The following ATP7B variants were observed in gnomAD, a reference collection of about 807,000 sequenced individuals.
The protein encoded by ATP7B is ATPase copper transporting beta.
In ATP7B, 113 loss-of-function variants were observed where a neutral mutation model predicts 118.9. The observed-to-expected ratio is 0.95, with a 90% CI of 0.82 to 1.11. The LOEUF is 1.11. ATP7B is among the 50% of genes most tolerant of loss of function. The pLI is 0.00. For synonymous variants in ATP7B, 777 were observed against 727.4 expected (o/e 1.07, Z -1.10); for missense variants, 1,867 against 1,871.4 (o/e 1.00, Z 0.04).
intron 12 of ATP7B, among the ~76,000 whole-genome samples, chr13:51,948,619 G>A (rs1401184136): frequency 6.6e-6 from 1 of 152,164 alleles, no homozygotes; most frequent in Non-Finnish European, 1.5e-5. Flanking sequence ...GGCCTGTGAT[G>A]TGCCTTGCAG....
rs964762858 is a variant in ATP7B at position 51,986,951 on chromosome 13, G to A, written c.52-11783C>T. On this transcript the variant is annotated intron_variant, in intron 1 of 20. Coordinates refer to ENST00000242839, the MANE Select transcript of ATP7B (RefSeq NM_000053.4). ...ATAACAGCTATTTATGACAAACCCA[G>A]AGCCAATATCACAGTGAATGGGCAA... 3.9e-5 allele frequency among the ~76,000 whole-genome samples: 6 copies of A among 152,174 alleles called. No homozygotes were observed. In the East Asian group the frequency reaches 9.7e-4, roughly 24 times the overall value.
chr13:51,949,573 C>T (rs1408550397), intron 12 of ATP7B, 89 bp downstream of exon 12: 1 of 1,547,572 alleles, frequency 6.5e-7, no homozygotes, highest in African/African-American at 1.4e-5. Flanking sequence ...TAATTAAAGC[C>T]CAGTGAATCT....
intron 1 of ATP7B, among the ~76,000 whole-genome samples, chr13:51,981,878 G>A (rs79675129): frequency 0.069 from 10,533 of 152,034 alleles, 386 homozygotes; most frequent in Admixed American, 0.095. Context: ...TGATTTTCCC[G>A]TTTGTCTAAG....
At chr13:51,999,996 C>G (rs1953412909) in intron 1 of ATP7B, among the ~76,000 whole-genome samples, 1 of 152,134 alleles carries the variant, frequency 6.6e-6, no homozygotes, top group South Asian at 2.1e-4. Context: ...TCCTCCTATC[C>G]TTCCCACCAA....
chr13:51,954,549 A>G (rs1484164420), intron 9 of ATP7B, among the ~76,000 whole-genome samples: 2 of 152,236 alleles, frequency 1.3e-5, no homozygotes, highest in East Asian at 3.9e-4. Flanking sequence ...GGCCTGGACC[A>G]GCATGGTGCC....
intron 4 of ATP7B, chr13:51,966,624 T>TGA: frequency 3.8e-6 from 3 of 781,598 alleles, no homozygotes; most frequent in Non-Finnish European, 6.2e-6. Context: ...TCTGAATATG[T>TGA]GATGACAATG....
chr13:51,940,433 C>T (rs1271874846), intron 16 of ATP7B, among the ~76,000 whole-genome samples: 1 of 151,366 alleles, frequency 6.6e-6, no homozygotes, highest in Non-Finnish European at 1.5e-5. Context: ...GCAAGCAGAT[C>T]ACCTGAGGTC....
At chr13:51,999,415 C>A (rs1390205734) in intron 1 of ATP7B, among the ~76,000 whole-genome samples, 1 of 152,140 alleles carries the variant, frequency 6.6e-6, no homozygotes, top group African/African-American at 2.4e-5. Flanking sequence ...GAGACAGGCA[C>A]AAACACACAC....
intron 1 of ATP7B, among the ~76,000 whole-genome samples, chr13:51,982,051 G>A (rs1034865121): frequency 4.7e-5 from 7 of 147,858 alleles, no homozygotes; most frequent in Non-Finnish European, 1.0e-4. Flanking sequence ...TAGTGTTAGC[G>A]TATTTTATGT....
intron 1 of ATP7B, among the ~76,000 whole-genome samples, chr13:52,000,277 G>A (rs1045037585): frequency 4.6e-5 from 7 of 152,190 alleles, no homozygotes; most frequent in African/African-American, 7.2e-5. Context: ...TTCAGTATCC[G>A]GTGAAGGCTG....
chr13:51,985,668 T>G (rs1416770253), intron 1 of ATP7B, among the ~76,000 whole-genome samples: 4 of 152,164 alleles, frequency 2.6e-5, no homozygotes, highest in African/African-American at 9.7e-5. Flanking sequence ...TAATTGGAAG[T>G]GAAACACTCC....
At chr13:51,993,856 C>T (rs1291790799) in intron 1 of ATP7B, among the ~76,000 whole-genome samples, 7 of 152,210 alleles carry the variant, frequency 4.6e-5, no homozygotes, top group Non-Finnish European at 8.8e-5. Flanking sequence ...GGTCCCACAA[C>T]TTGTGTTGGG....
Position 51,968,560 on chromosome 13 carries a change from T to C in ATP7B, c.1591A>G (p.Lys531Glu), listed in dbSNP as rs1278495935. 6.2e-7 allele frequency: 1 copy of C among 1,614,206 alleles called. No individual in the cohort carries two copies. Among genetic ancestry groups the C allele is most frequent in the Non-Finnish European group, 8.5e-7 (1 of 1,180,030 alleles). Reference protein sequence around the residue: ...VALMAGKAEIKYDPEVIQPLE... With the variant: ...VALMAGKAEIEYDPEVIQPLE... ...GGCTGGATGACCTCTGGGTCATACT[T>C]GATCTCTGCCTTTCCTGCCATCAAG... The change falls in exon 4 of 21, where the codon AAG becomes GAG. Residue 531 changes from lysine to glutamate, a missense_variant. By Grantham distance (56) the Lys-to-Glu change is moderately conservative. Coordinates refer to ENST00000242839, the MANE Select transcript of ATP7B (RefSeq NM_000053.4).
At chr13:51,999,165 C>T (rs1171883611) in intron 1 of ATP7B, among the ~76,000 whole-genome samples, 1 of 152,152 alleles carries the variant, frequency 6.6e-6, no homozygotes, top group Non-Finnish European at 1.5e-5. Flanking sequence ...CAACAGAAGA[C>T]CAGGAGAGGA....
intron 1 of ATP7B, among the ~76,000 whole-genome samples, chr13:51,989,557 A>G (rs1434831637): frequency 1.3e-5 from 2 of 152,240 alleles, no homozygotes; most frequent in South Asian, 2.1e-4. Context: ...AGTAAAATTA[A>G]AAACAAAATT....
chr13:51,973,945 T>C lies in ATP7B; in HGVS notation c.1275A>G (p.Ser425=), dbSNP rs377399832. ...AAACACACTACGTACCAGAAACGAC[T>C]GAAGCCTCAAATCCCATGTCTTCTA... ...AAIEDMGFEA[S]VVSESCSTNP... is the part of the protein sequence containing the mutation. The change falls in exon 2 of 21, where the codon TCA becomes TCG. Residue 425 remains serine, a synonymous_variant. Coordinates refer to ENST00000242839, the MANE Select transcript of ATP7B (RefSeq NM_000053.4). The C allele has an allele frequency of 1.2e-6, 2 of 1,614,118 alleles. No individual in the cohort carries two copies. The highest frequency in any genetic ancestry group is 2.7e-5 in the African/African-American group (2 of 74,940).
chr13:51,953,273 C>G (rs1462606616), intron 9 of ATP7B, among the ~76,000 whole-genome samples: 1 of 152,222 alleles, frequency 6.6e-6, no homozygotes, highest in Non-Finnish European at 1.5e-5. Flanking sequence ...GAGGTCTCCA[C>G]ATGGCCTGAG....
At chr13:51,969,052 G>A (rs1239877094) in intron 3 of ATP7B, among the ~76,000 whole-genome samples, 1 of 150,880 alleles carries the variant, frequency 6.6e-6, no homozygotes, top group Non-Finnish European at 1.5e-5. Flanking sequence ...GTAGAGATGG[G>A]GTTTCACCAT....
In ATP7B at chr13:52,007,097, T is replaced by G. The variant is rs556861535; in HGVS notation, c.51+4190A>C. 3.6e-4 allele frequency among the ~76,000 whole-genome samples: 55 copies of G among 152,236 alleles called. 1 individual carries two copies. In the South Asian group the frequency reaches 0.011, roughly 31 times the overall value. ...AGAGGCCTCTGAAGAGAAAACAATG[T>G]GGAGAAATCATGTCGAGAATCCATT... is the stretch of plus-strand genomic sequence containing the variant. On this transcript the variant is annotated intron_variant, in intron 1 of 20. Transcript: ENST00000242839.
Sources: allele counts gnomAD v4.1 joint callset (sites outside exome capture counted in the v4.1 genomes callset), GRCh38; gene constraint gnomAD v4.1.1; transcripts MANE v1.5; gene names NCBI Gene and HGNC (gene_info 2026-07-23, HGNC 2026-07-21).